ASIP: variants seen among roughly 807,000 people sequenced by gnomAD.
ASIP encodes agouti signaling protein.
Under a neutral mutation model 10.3 loss-of-function variants are expected in ASIP, and 11 were observed. That is an observed-to-expected ratio of 1.07 (90% CI 0.68 to 1.78). The LOEUF (loss-of-function observed/expected upper bound fraction) is 1.78. Among genes scored for constraint, ASIP ranks in the 40% most tolerant of loss-of-function variants. ASIP has a pLI of 0.00. For missense variants in ASIP, 180 were observed against 169.2 expected (o/e 1.06, Z -0.35); for synonymous variants, 70 against 70.8 (o/e 0.99, Z 0.06).
chr20:34,212,884 T>C (rs2034983707), intron 1 of ASIP, among the ~76,000 whole-genome samples: 1 of 152,218 alleles, frequency 6.6e-6, no homozygotes, highest in African/African-American at 2.4e-5. Context: ...TGATTCTTAC[T>C]TGAATCAATT....
intron 1 of ASIP, among the ~76,000 whole-genome samples, chr20:34,196,448 C>G (rs1166869467): frequency 1.3e-5 from 2 of 152,034 alleles, no homozygotes; most frequent in Non-Finnish European, 2.9e-5. Context: ...GCTGGGATTA[C>G]AGGCGTGAGC....
At chr20:34,248,582 C>T (rs957372590) in intron 1 of ASIP, among the ~76,000 whole-genome samples, 6 of 152,118 alleles carry the variant, frequency 3.9e-5, no homozygotes, top group African/African-American at 1.4e-4. Context: ...GAGGCAGTGT[C>T]TCTTGAGCCC....
intron 1 of ASIP, among the ~76,000 whole-genome samples, chr20:34,252,984 G>A (rs995645164): frequency 2.6e-5 from 4 of 152,178 alleles, no homozygotes; most frequent in Non-Finnish European, 1.5e-5. Context: ...ACAGGGTTGG[G>A]ACTAAAGTTA....
chr20:34,246,212 A>G (rs2035372353), intron 1 of ASIP: 2 of 1,453,752 alleles, frequency 1.4e-6, no homozygotes, highest in South Asian at 2.5e-5. Context: ...CTTTTGTGGT[A>G]TGGTCTTCTT....
intron 1 of ASIP, among the ~76,000 whole-genome samples, chr20:34,201,060 C>CTTTCTTTT (rs1568744601): frequency 1.1e-5 from 1 of 94,042 alleles, no homozygotes; most frequent in African/African-American, 3.7e-5. Context: ...TTCTTTCTTT[C>CTTTCTTTT]TTTTTTTTCC....
chr20:34,212,986 CTATAAGCAAGAAGCCTCCT>C (rs2034984322), intron 1 of ASIP, among the ~76,000 whole-genome samples: 1 of 152,188 alleles, frequency 6.6e-6, no homozygotes, highest in Non-Finnish European at 1.5e-5. Flanking sequence ...TGACATACTA[CTATAAGCAAGAAGCCTCCT>C]AGAATGTTTA....
chr20:34,264,551 A>C (rs2035752351), intron 3 of ASIP, among the ~76,000 whole-genome samples: 1 of 152,208 alleles, frequency 6.6e-6, no homozygotes. Context: ...AAGAGTCATG[A>C]CATTACAAGA....
intron 1 of ASIP, among the ~76,000 whole-genome samples, chr20:34,258,700 A>ATATATATATACACACATAC (rs1555826880): frequency 7.7e-5 from 6 of 77,920 alleles, no homozygotes; most frequent in South Asian, 8.7e-4. Context: ...TACATACTAT[A>ATATATATATACACACATAC]TATATATATT....
At position 34,215,366 on chromosome 20, in the gene ASIP, T is replaced by G; in HGVS notation, c.-11+20606T>G. 5 of 1,573,214 alleles carry G rather than the reference T, an allele frequency of 3.2e-6. No individual in the cohort carries two copies. In the South Asian group the frequency reaches 5.6e-5, roughly 18 times the overall value. On this transcript the variant is annotated intron_variant, in intron 1 of 3. Coordinates refer to the ASIP transcript ENST00000568305. ...ACCAGATTTGGAATGCACTGTTCCC[T>G]CATGGTATCTTTTATGAGAGTATTC...
chr20:34,196,636 T>C (rs1193733447), intron 1 of ASIP, among the ~76,000 whole-genome samples: 1 of 152,086 alleles, frequency 6.6e-6, no homozygotes, highest in Non-Finnish European at 1.5e-5. Context: ...GTTGGGGAGA[T>C]TTATTCAGAT....
chr20:34,258,848 TATATA>T (rs560316190), intron 1 of ASIP, among the ~76,000 whole-genome samples: 2,349 of 123,278 alleles, frequency 0.019, 44 homozygotes, highest in Middle Eastern at 0.045. Context: ...ATATAGTGTA[TATATA>T]ATATATGATA....
chr20:34,216,206 G>T (rs1277549083), intron 1 of ASIP, among the ~76,000 whole-genome samples: 2 of 152,246 alleles, frequency 1.3e-5, no homozygotes, highest in Non-Finnish European at 2.9e-5. Context: ...AAGCAAGCGG[G>T]CGGGGTCAGC....
At chr20:34,221,518 C>T (rs1046432489) in intron 1 of ASIP, among the ~76,000 whole-genome samples, 7 of 152,116 alleles carry the variant, frequency 4.6e-5, no homozygotes, top group Non-Finnish European at 1.0e-4. Flanking sequence ...GGGTTGAAAT[C>T]AGCAGGATAC....
intron 1 of ASIP, among the ~76,000 whole-genome samples, chr20:34,250,787 G>A (rs2122631623): frequency 6.6e-6 from 1 of 152,152 alleles, no homozygotes; most frequent in East Asian, 1.9e-4. Flanking sequence ...GTCTCAGTAG[G>A]TACTTAGCCA....
chr20:34,258,690 T>TATATATATATATATATATATATACAC (rs1250992566), intron 1 of ASIP, among the ~76,000 whole-genome samples: 3 of 72,306 alleles, frequency 4.1e-5, no homozygotes, highest in African/African-American at 2.2e-4. Flanking sequence ...TATATATATA[T>TATATATATATATATATATATATACAC]ACATACTATA....
At chr20:34,214,550 T>C in intron 1 of ASIP, 11 of 1,489,754 alleles carry the variant, frequency 7.4e-6, no homozygotes, top group Non-Finnish European at 1.0e-5. Context: ...AACCGTGTAG[T>C]CTGCCAATTC....
chr20:34,213,464 C>A, intron 1 of ASIP: 1 of 1,218,060 alleles, frequency 8.2e-7, no homozygotes, highest in South Asian at 1.5e-5. Flanking sequence ...GAGACTGAGA[C>A]AGTTTTGAAG....
intron 1 of ASIP, among the ~76,000 whole-genome samples, chr20:34,245,333 C>CAAA (rs1257990215): frequency 1.6e-5 from 1 of 63,604 alleles, no homozygotes; most frequent in Non-Finnish European, 3.6e-5. Context: ...GACTCTGTCT[C>CAAA]AAAAAAAAAA....
intron 1 of ASIP, among the ~76,000 whole-genome samples, chr20:34,224,359 C>T (rs1222350504): frequency 6.6e-6 from 1 of 151,466 alleles, no homozygotes; most frequent in Non-Finnish European, 1.5e-5. Flanking sequence ...CCACACCAAG[C>T]CTTAAGACTG....
Sources: allele counts gnomAD v4.1 joint callset (sites outside exome capture counted in the v4.1 genomes callset), GRCh38; gene constraint gnomAD v4.1.1; transcripts MANE v1.5; gene names NCBI Gene and HGNC (gene_info 2026-07-23, HGNC 2026-07-21).